The following NT5C3A variants were observed in gnomAD, a reference collection of about 807,000 sequenced individuals.
NT5C3A encodes the protein 5'-nucleotidase, cytosolic IIIA.
A neutral mutation model predicts 40.0 loss-of-function variants in NT5C3A; 23 were observed. The observed-to-expected ratio is 0.58, with a 90% CI of 0.41 to 0.81. The LOEUF is 0.81. Among genes scored for constraint, NT5C3A ranks in the 40% least tolerant of loss-of-function variants. The pLI is 0.00. For synonymous variants in NT5C3A, 130 were observed against 141.4 expected (o/e 0.92, Z 0.57); for missense variants, 328 against 403.0 (o/e 0.81, Z 1.59).
intron 1 of NT5C3A, among the ~76,000 whole-genome samples, chr7:33,046,576 T>TC (rs1262951296): frequency 6.6e-6 from 1 of 152,124 alleles, no homozygotes; most frequent in Non-Finnish European, 1.5e-5. Flanking sequence ...AATTTAATTT[T>TC]CAAAAACTCA....
chr7:33,021,910 A>G, intron 4 of NT5C3A, 143 bp downstream of exon 4: 1 of 648,388 alleles, frequency 1.5e-6, no homozygotes, highest in South Asian at 1.8e-5. Flanking sequence ...CAAACCTACT[A>G]TTTACTGAGT....
At chr7:33,052,141 T>C (rs1381078890) in intron 1 of NT5C3A, among the ~76,000 whole-genome samples, 2 of 152,162 alleles carry the variant, frequency 1.3e-5, no homozygotes, top group African/African-American at 4.8e-5. Flanking sequence ...GGAGCACAAC[T>C]GTTCTGCAAC....
At position 33,019,276 on chromosome 7, in the gene NT5C3A, C is replaced by G. The variant is rs182928657; in HGVS notation, c.530+359G>C. ...GTCTTTAAAAAAAAAAAAAAGTATA[C>G]TTAAATCCCTTTTAACTTGATTTAT... On this transcript the variant is annotated intron_variant, in intron 6 of 8. Coordinates refer to ENST00000610140, the MANE Select transcript of NT5C3A (RefSeq NM_001002010.5). Among the ~76,000 whole-genome samples the G allele has an allele frequency of 4.1e-3, 620 of 151,518 alleles. 2 individuals carry two copies. Among genetic ancestry groups the G allele is most frequent in the Non-Finnish European group, 6.8e-3 (459 of 67,860 alleles).
chr7:33,016,234 T>G (rs1215837290), intron 7 of NT5C3A, among the ~76,000 whole-genome samples: 1 of 151,520 alleles, frequency 6.6e-6, no homozygotes, highest in Admixed American at 6.6e-5. Flanking sequence ...ATTAGCCAGG[T>G]TTGGTGGCAC....
At chr7:33,018,375 AG>A (rs1785452790) in intron 6 of NT5C3A, among the ~76,000 whole-genome samples, 2 of 152,242 alleles carry the variant, frequency 1.3e-5, no homozygotes, top group Admixed American at 6.5e-5. Context: ...CATAGGTTAA[AG>A]AATGCTAATG....
At chr7:33,036,122 T>C (rs1562596495) in intron 1 of NT5C3A, 3 of 714,350 alleles carry the variant, frequency 4.2e-6, no homozygotes, top group Non-Finnish European at 7.4e-6. Flanking sequence ...TTTATTTTGT[T>C]TTTTAAAAAT....
chr7:33,052,771 C>T (rs1787421238), intron 1 of NT5C3A, among the ~76,000 whole-genome samples: 1 of 152,170 alleles, frequency 6.6e-6, no homozygotes, highest in Non-Finnish European at 1.5e-5. Context: ...AAATGATTCT[C>T]AAGCTTTAGC....
chr7:33,017,631 T>C (rs762490131), intron 6 of NT5C3A, 30 bp from the exon 7 acceptor site: 1 of 1,558,466 alleles, frequency 6.4e-7, no homozygotes, highest in South Asian at 1.1e-5. Flanking sequence ...AACTGGTTAT[T>C]AAAGAGCAAG....
chr7:33,024,234 A>G lies in NT5C3A; in HGVS notation c.238-126T>C, dbSNP rs1785793117. The G allele has an allele frequency of 4.4e-6, 3 of 689,294 alleles. No homozygotes were observed. In the South Asian group the frequency reaches 4.6e-5, roughly 11 times the overall value. 42.7% of individuals were successfully genotyped at this position (689,294 alleles called of 1,614,324 possible). A position where few individuals can be genotyped will look rare whatever the true frequency, so the allele number is the denominator to read the frequency against. On this transcript the variant is annotated intron_variant, in intron 2 of 8. Transcript: ENST00000610140. ...AGGACTGTGCTCAAGTCTCTGGTCC[A>G]CACTGTTAACTTATTCTCTTTACAT...
At chr7:33,023,505 C>T (rs547716189) in intron 3 of NT5C3A, among the ~76,000 whole-genome samples, 6 of 152,178 alleles carry the variant, frequency 3.9e-5, no homozygotes, top group Admixed American at 2.0e-4. Flanking sequence ...ATGATCTGCC[C>T]GCCTCAGCTT....
intron 1 of NT5C3A, among the ~76,000 whole-genome samples, chr7:33,053,280 C>G (rs1209177568): frequency 6.6e-6 from 1 of 152,032 alleles, no homozygotes. Flanking sequence ...CTCTGCCTCC[C>G]GGGTTCAAGT....
intron 1 of NT5C3A, among the ~76,000 whole-genome samples, chr7:33,054,063 T>TAA (rs77168389): frequency 0.72 from 110,080 of 151,890 alleles, 40,153 homozygotes; most frequent in African/African-American, 0.79. Flanking sequence ...TTGATAATGT[T>TAA]GAGTTTAATG....
At chr7:33,046,159 T>A (rs1162464516) in intron 1 of NT5C3A, 1 of 152,220 alleles carries the variant, frequency 6.6e-6, no homozygotes, top group Non-Finnish European at 1.5e-5. Flanking sequence ...GTGAGACTGA[T>A]TGCAGCCTTA....
At chr7:33,060,044 T>C (rs1787715418) in intron 1 of NT5C3A, among the ~76,000 whole-genome samples, 1 of 152,172 alleles carries the variant, frequency 6.6e-6, no homozygotes, top group Non-Finnish European at 1.5e-5. Context: ...CTCGACCACC[T>C]TGACTGAAGA....
At chr7:33,041,161 G>A in intron 1 of NT5C3A, 1 of 984,224 alleles carries the variant, frequency 1.0e-6, no homozygotes, top group Non-Finnish European at 1.2e-6. Context: ...GCTCTGGAAA[G>A]AAAAGAGGAA....
At chr7:33,017,358 T>C (rs1402306892) in intron 7 of NT5C3A, 81 bp downstream of exon 7, 1 of 1,147,926 alleles carries the variant, frequency 8.7e-7, no homozygotes, top group Non-Finnish European at 1.3e-6. Context: ...ATAGGATATA[T>C]ATTAAGTAAC....
intron 1 of NT5C3A, among the ~76,000 whole-genome samples, chr7:33,047,341 T>G (rs531018089): frequency 2.0e-5 from 3 of 152,342 alleles, no homozygotes. Context: ...CTACCCTTCC[T>G]TCTTACTGTG....
chr7:33,022,247 A>G lies in NT5C3A; in HGVS notation c.308-148T>C, dbSNP rs1382791958. On this transcript the variant is annotated intron_variant, in intron 3 of 8. Transcript: ENST00000610140. ...TTTAAGTAATGCCAAGTCAACTAGC[A>G]TGGTTATTATAACTTTTGGTGTCAG... 1.5e-5 allele frequency: 9 copies of G among 617,684 alleles called. No homozygotes were observed. The Admixed American group carries it at 1.5e-4, about 11-fold the overall frequency. The allele number at this position is 617,684 out of a possible 1,614,324, so 38.3% of individuals were successfully genotyped here.
intron 2 of NT5C3A, among the ~76,000 whole-genome samples, 175 bp downstream of exon 2, chr7:33,026,642 C>T (rs891445392): frequency 6.6e-6 from 1 of 151,660 alleles, no homozygotes; most frequent in African/African-American, 2.4e-5. Flanking sequence ...CAGGTGTGAG[C>T]CACTATGCCC....
Sources: allele counts gnomAD v4.1 joint callset (sites outside exome capture counted in the v4.1 genomes callset), GRCh38; gene constraint gnomAD v4.1.1; transcripts MANE v1.5; gene names NCBI Gene and HGNC (gene_info 2026-07-23, HGNC 2026-07-21).